Variants in SNX29 observed in about 807,000 individuals in gnomAD.
The protein encoded by SNX29 is sorting nexin 29, also known as sorting nexin-29.
In SNX29, 78 loss-of-function variants were observed where a neutral mutation model predicts 102.1. The ratio of observed to expected loss-of-function variants is 0.76; its 90% confidence interval spans 0.64 to 0.92. The LOEUF is 0.92. SNX29 is among the 40% of genes least tolerant of loss of function. The pLI is 0.00. For synonymous variants in SNX29, 580 were observed against 414.5 expected (o/e 1.40, Z -4.85); for missense variants, 1,280 against 1,061.7 (o/e 1.21, Z -2.86).
chr16:12,176,194 C>T (rs1039448933), intron 13 of SNX29, among the ~76,000 whole-genome samples: 1 of 152,172 alleles, frequency 6.6e-6, no homozygotes, highest in Non-Finnish European at 1.5e-5. Context: ...GTGAGAAATA[C>T]ATTTCTGTGG....
At chr16:12,405,170 A>C (rs1021522537) in intron 18 of SNX29, among the ~76,000 whole-genome samples, 13 of 152,214 alleles carry the variant, frequency 8.5e-5, no homozygotes, top group Non-Finnish European at 1.3e-4. Context: ...GGAGGATGAA[A>C]AAAGTACAGC....
At chr16:12,332,760 C>T (rs1362160748) in intron 15 of SNX29, among the ~76,000 whole-genome samples, 2 of 152,152 alleles carry the variant, frequency 1.3e-5, no homozygotes, top group Non-Finnish European at 2.9e-5. Flanking sequence ...CCATTCCTGC[C>T]CTTGGTTCTT....
chr16:12,151,950 G>T (rs997301363), intron 13 of SNX29, among the ~76,000 whole-genome samples: 17 of 152,196 alleles, frequency 1.1e-4, no homozygotes. Flanking sequence ...GGCCAGACTA[G>T]TCTGAAACTC....
intron 15 of SNX29, among the ~76,000 whole-genome samples, chr16:12,309,301 T>TA (rs1407334762): frequency 1.3e-5 from 2 of 152,168 alleles, no homozygotes; most frequent in Non-Finnish European, 2.9e-5. Flanking sequence ...GATGCACAGA[T>TA]AGGGGCTACC....
At chr16:12,200,072 T>C (rs1395662120) in intron 14 of SNX29, among the ~76,000 whole-genome samples, 1 of 152,056 alleles carries the variant, frequency 6.6e-6, no homozygotes. Flanking sequence ...GCTGATCAGG[T>C]TCCAATTCCA....
chr16:12,567,262 T>C (rs1415316754), intron 20 of SNX29, among the ~76,000 whole-genome samples: 1 of 151,974 alleles, frequency 6.6e-6, no homozygotes, highest in African/African-American at 2.4e-5. Context: ...TCTTCCCTTG[T>C]AGGGTCCAGT....
At chr16:12,236,010 G>A (rs1450100315) in intron 14 of SNX29, among the ~76,000 whole-genome samples, 1 of 152,158 alleles carries the variant, frequency 6.6e-6, no homozygotes, top group Non-Finnish European at 1.5e-5. Flanking sequence ...CGGAATAAAT[G>A]TTATTTAAAA....
intron 20 of SNX29, among the ~76,000 whole-genome samples, chr16:12,532,415 T>C (rs1389913549): frequency 6.6e-6 from 1 of 152,234 alleles, no homozygotes; most frequent in East Asian, 1.9e-4. Flanking sequence ...ATATTCATTC[T>C]AGGCTGTCGT....
At chr16:12,555,525 C>G (rs988237782) in intron 20 of SNX29, among the ~76,000 whole-genome samples, 1 of 151,598 alleles carries the variant, frequency 6.6e-6, no homozygotes, top group Non-Finnish European at 1.5e-5. Context: ...GACAGCGCCC[C>G]TGCTCTCTGG....
chr16:12,499,759 T>C (rs1434526309), intron 19 of SNX29, among the ~76,000 whole-genome samples: 1 of 152,226 alleles, frequency 6.6e-6, no homozygotes, highest in Non-Finnish European at 1.5e-5. Flanking sequence ...CTTGCAGCCT[T>C]GACCTCCCTG....
intron 20 of SNX29, among the ~76,000 whole-genome samples, chr16:12,539,896 T>G (rs191434949): frequency 7.2e-5 from 11 of 152,344 alleles, no homozygotes; most frequent in Non-Finnish European, 1.5e-4. Context: ...GTTTGTGGTT[T>G]TACAAAGATT....
At chr16:12,063,732 C>A (rs1490913418) in intron 9 of SNX29, among the ~76,000 whole-genome samples, 1 of 151,760 alleles carries the variant, frequency 6.6e-6, no homozygotes, top group Non-Finnish European at 1.5e-5. Context: ...TTGGCCCACA[C>A]CATGCCTCAG....
At chr16:12,566,560 G>A (rs866588463) in intron 20 of SNX29, among the ~76,000 whole-genome samples, 4 of 152,148 alleles carry the variant, frequency 2.6e-5, no homozygotes, top group Admixed American at 2.0e-4. Flanking sequence ...TGAGGGCATG[G>A]CTTTAAACTG....
At chr16:12,187,330 C>CG (rs769554756) in intron 13 of SNX29, among the ~76,000 whole-genome samples, 3 of 152,168 alleles carry the variant, frequency 2.0e-5, no homozygotes, top group Admixed American at 1.3e-4. Context: ...GAGGCCAAGG[C>CG]GGGTAGATCG....
chr16:12,557,197 C>T (rs1015167835), intron 20 of SNX29: 2 of 152,234 alleles, frequency 1.3e-5, no homozygotes, highest in Non-Finnish European at 2.9e-5. Context: ...GACTCCAGGG[C>T]TCCAGAGGGA....
chr16:12,092,072 A>G (rs2052576139), intron 11 of SNX29, among the ~76,000 whole-genome samples: 2 of 152,220 alleles, frequency 1.3e-5, no homozygotes, highest in South Asian at 2.1e-4. Context: ...AGCACAGGCA[A>G]TCTCATCCCA....
intron 11 of SNX29, among the ~76,000 whole-genome samples, chr16:12,117,182 A>G (rs112101229): frequency 1.3e-3 from 179 of 141,874 alleles, no homozygotes; most frequent in African/African-American, 5.1e-3. Flanking sequence ...GGCACGGTCA[A>G]TACGTGCTTC....
chr16:11,989,381 A>T (rs2055755390), intron 1 of SNX29, among the ~76,000 whole-genome samples: 1 of 152,188 alleles, frequency 6.6e-6, no homozygotes, highest in African/African-American at 2.4e-5. Flanking sequence ...CTGCATGCAG[A>T]GCCTGTCTCT....
At chr16:12,021,977 C>T (rs886420889) in intron 3 of SNX29, among the ~76,000 whole-genome samples, 1 of 143,926 alleles carries the variant, frequency 6.9e-6, no homozygotes, top group African/African-American at 2.5e-5. Flanking sequence ...GTGCAGTGTC[C>T]AGGTCTGCTG....
Sources: gnomAD v4.1 joint callset for allele counts (sites outside exome capture counted in the v4.1 genomes callset) on GRCh38, gnomAD v4.1.1 for gene constraint, MANE v1.5 for transcripts, NCBI Gene and HGNC (gene_info 2026-07-23, HGNC 2026-07-21) for gene names.